The following TRPM6 variants were observed in gnomAD, a reference collection of about 807,000 sequenced individuals.
The protein encoded by TRPM6 is channel kinase 2.
Under a neutral mutation model 247.6 loss-of-function variants are expected in TRPM6, and 111 were observed. The ratio of observed to expected loss-of-function variants is 0.45; its 90% CI spans 0.38 to 0.52. The LOEUF (loss-of-function observed/expected upper bound fraction) is 0.52. TRPM6 is among the 20% of genes least tolerant of loss of function. TRPM6 has a pLI of 0.00. For synonymous variants in TRPM6, 892 were observed against 853.8 expected, an observed-to-expected ratio of 1.04 and a Z score of -0.78; for missense variants, 2,126 against 2,421.5, an observed-to-expected ratio of 0.88 and a Z score of 2.56.
At chr9:74,814,392 C>A (rs1291501653) in intron 11 of TRPM6, among the ~76,000 whole-genome samples, 2 of 151,890 alleles carry the variant, frequency 1.3e-5, no homozygotes, top group East Asian at 3.9e-4. Flanking sequence ...GATAGCACAA[C>A]AGAATGACTA....
intron 1 of TRPM6, among the ~76,000 whole-genome samples, chr9:74,866,642 C>T (rs777133863): frequency 3.9e-5 from 6 of 152,004 alleles, no homozygotes; most frequent in African/African-American, 7.2e-5. Context: ...CCACCACACC[C>T]GGCTAATTTT....
chr9:74,798,265 C>CTT (rs67897159), intron 17 of TRPM6, among the ~76,000 whole-genome samples: 24 of 145,416 alleles, frequency 1.7e-4, no homozygotes, highest in East Asian at 4.0e-4. Context: ...TGTCAACCTT[C>CTT]TTTTTTTTTT....
intron 3 of TRPM6, among the ~76,000 whole-genome samples, chr9:74,845,819 T>C (rs953303099): frequency 6.6e-6 from 1 of 152,068 alleles, no homozygotes; most frequent in Non-Finnish European, 1.5e-5. Context: ...AAAGCAAAAC[T>C]CTGTCTCAAA....
In TRPM6 at chr9:74,723,591, T is replaced by G. The variant is rs1257885274; in HGVS notation, c.*1022A>C. The G allele has an allele frequency of 2.7e-5, 4 of 149,844 alleles. No individual in the cohort carries two copies. The highest frequency in any genetic ancestry group is 7.4e-5 in the African/African-American group (3 of 40,702). The allele number at this position is 149,844 out of a possible 1,614,324, so 9.3% of individuals were successfully genotyped here. ...GCCAAGGCAGGTGGATCATCTGAGG[T>G]CAGGAGTTTGAGACCAGCCTGGCCA... On this transcript the variant is annotated 3_prime_UTR_variant, in exon 39 of 39. Coordinates refer to ENST00000360774, the MANE Select transcript of TRPM6 (RefSeq NM_017662.5).
At chr9:74,775,290 A>G (rs943512596) in intron 24 of TRPM6, among the ~76,000 whole-genome samples, 1 of 152,182 alleles carries the variant, frequency 6.6e-6, no homozygotes, top group Non-Finnish European at 1.5e-5. Context: ...TCTGAGCTCA[A>G]GCAATTCTTG....
At chr9:74,774,401 A>G (rs530052370) in intron 24 of TRPM6, among the ~76,000 whole-genome samples, 1 of 152,348 alleles carries the variant, frequency 6.6e-6, no homozygotes, top group Admixed American at 6.5e-5. Flanking sequence ...CAGTATAATT[A>G]TAAGCCTTCA....
chr9:74,876,457 A>G (rs1231236628), intron 1 of TRPM6, among the ~76,000 whole-genome samples: 1 of 152,200 alleles, frequency 6.6e-6, no homozygotes, highest in Non-Finnish European at 1.5e-5. Flanking sequence ...TAACTCACTT[A>G]AATTGCTCAA....
intron 1 of TRPM6, among the ~76,000 whole-genome samples, chr9:74,873,732 T>A (rs1193257396): frequency 2.0e-5 from 3 of 152,120 alleles, no homozygotes; most frequent in Non-Finnish European, 4.4e-5. Context: ...TTATAAAGAT[T>A]TTTTATCTTA....
At chr9:74,750,832 T>A in intron 29 of TRPM6, 110 bp from the exon 30 acceptor site, 1 of 949,516 alleles carries the variant, frequency 1.1e-6, no homozygotes, top group Non-Finnish European at 1.7e-6. Flanking sequence ...TTTTTCTTCA[T>A]CTACCTGAAT....
In TRPM6 at chr9:74,788,659, A is replaced by G. The variant is rs1050912572; in HGVS notation, c.2622T>C (p.Leu874=). The part of the protein sequence containing the change: ...MQPQPSVQEW[L]VSIYIFTNAI... ...CATTGGTGAAGATGTAAATGCTAAC[A>G]AGCCACTCCTGCACGCTGGGCTGGG... Residue 874 remains leucine (L), a synonymous_variant, in exon 20 of 39, where the codon CTT becomes CTC. Coordinates refer to ENST00000360774, the MANE Select transcript of TRPM6 (RefSeq NM_017662.5). The G allele has an allele frequency of 3.1e-6, 5 of 1,613,904 alleles. No individual in the cohort carries two copies. Among genetic ancestry groups the G allele is most frequent in the Admixed American group, 3.3e-5 (2 of 59,988 alleles).
intron 17 of TRPM6, among the ~76,000 whole-genome samples, chr9:74,797,100 A>G (rs1308459672): frequency 6.6e-6 from 1 of 152,208 alleles, no homozygotes; most frequent in African/African-American, 2.4e-5. Context: ...GCATTTGCAG[A>G]TAAGAATGTT....
intron 3 of TRPM6, among the ~76,000 whole-genome samples, chr9:74,852,259 G>C (rs1767440647): frequency 6.6e-6 from 1 of 151,108 alleles, no homozygotes; most frequent in South Asian, 2.1e-4. Context: ...ATCTTGCTGC[G>C]TTGCCCAGGC....
intron 14 of TRPM6, among the ~76,000 whole-genome samples, chr9:74,807,395 C>T (rs1472873162): frequency 6.6e-6 from 1 of 152,172 alleles, no homozygotes; most frequent in Admixed American, 6.5e-5. Context: ...TCTAATCCTC[C>T]CCTCATCTTC....
intron 31 of TRPM6, among the ~76,000 whole-genome samples, chr9:74,746,265 G>C (rs1826044402): frequency 6.6e-6 from 1 of 152,050 alleles, no homozygotes; most frequent in African/African-American, 2.4e-5. Context: ...GTGTTATGTG[G>C]AAATGGCAAA....
chr9:74,769,441 G>C (rs1276237735), intron 25 of TRPM6, among the ~76,000 whole-genome samples: 1 of 152,124 alleles, frequency 6.6e-6, no homozygotes, highest in Non-Finnish European at 1.5e-5. Flanking sequence ...GAGCCACCTT[G>C]CCCGGCCTCC....
intron 2 of TRPM6, chr9:74,857,773 C>T (rs1415301696): frequency 6.6e-6 from 1 of 152,160 alleles, no homozygotes; most frequent in Non-Finnish European, 1.5e-5. Flanking sequence ...TAAAGCATTC[C>T]ATAAAAATAA....
intron 38 of TRPM6, among the ~76,000 whole-genome samples, chr9:74,727,381 CAAAAAAAAAAAAAAAA>C (rs763828073): frequency 1.9e-5 from 1 of 52,242 alleles, no homozygotes; most frequent in Non-Finnish European, 4.0e-5. Context: ...GACTCCGTCT[CAAAAAAAAAAAAAAAA>C]AAAAAAAGAA....
chr9:74,809,391 G>A (rs935125568), intron 13 of TRPM6, among the ~76,000 whole-genome samples: 2 of 152,134 alleles, frequency 1.3e-5, no homozygotes, highest in African/African-American at 2.4e-5. Context: ...CAAGGTCTCC[G>A]AAATGAAGAT....
intron 8 of TRPM6, among the ~76,000 whole-genome samples, chr9:74,820,880 C>T (rs1829110432): frequency 6.6e-6 from 1 of 152,066 alleles, no homozygotes; most frequent in Admixed American, 6.5e-5. Context: ...ATTATATTCT[C>T]TAAAGGATCT....
Sources: allele counts gnomAD v4.1 joint callset (sites outside exome capture counted in the v4.1 genomes callset), GRCh38; gene constraint gnomAD v4.1.1; transcripts MANE v1.5; gene names NCBI Gene and HGNC (gene_info 2026-07-23, HGNC 2026-07-21).